The following SEZ6L variants were observed in gnomAD, a reference collection of about 807,000 sequenced individuals.
SEZ6L encodes the protein seizure related 6 homolog like, also known as seizure 6-like protein.
In SEZ6L, 37 loss-of-function variants were observed where a neutral mutation model predicts 106.2. That is an observed-to-expected ratio of 0.35 (90% CI 0.27 to 0.46). The LOEUF (loss-of-function observed/expected upper bound fraction) is 0.46. Among genes scored for constraint, SEZ6L ranks in the 20% least tolerant of loss-of-function variants. The pLI is 1.00. For synonymous variants in SEZ6L, 541 were observed against 570.4 expected (o/e 0.95, Z 0.73); for missense variants, 1,172 against 1,332.8 (o/e 0.88, Z 1.88).
chr22:26,356,596 C>A (rs947251391), intron 12 of SEZ6L, among the ~76,000 whole-genome samples: 5 of 151,524 alleles, frequency 3.3e-5, no homozygotes, highest in African/African-American at 9.7e-5. Flanking sequence ...GAGCTGAGAT[C>A]ATGCCACTGC....
At chr22:26,197,225 G>A (rs1940641318) in intron 1 of SEZ6L, among the ~76,000 whole-genome samples, 1 of 151,952 alleles carries the variant, frequency 6.6e-6, no homozygotes, top group East Asian at 1.9e-4. Flanking sequence ...ATGATTGTGA[G>A]GCACTTACTA....
At position 26,294,274 on chromosome 22, in the gene SEZ6L, T is replaced by C; in HGVS notation, c.836-18T>C. The C allele has an allele frequency of 6.2e-7, 1 of 1,613,320 alleles. No homozygotes were observed. The highest frequency in any genetic ancestry group is 8.5e-7 in the Non-Finnish European group (1 of 1,179,446). On this transcript the variant is annotated intron_variant, in intron 2 of 16. Coordinates refer to ENST00000248933, the MANE Select transcript of SEZ6L (RefSeq NM_021115.5). Reference sequence around the variant, plus strand: ...TCCAAGTTGTCTTTGGTGTCCTAATTAAAGTCCTTCCTTCCAGCTCTCTGC... The same window carrying C: ...TCCAAGTTGTCTTTGGTGTCCTAATCAAAGTCCTTCCTTCCAGCTCTCTGC...
chr22:26,248,602 G>A (rs2281423), intron 1 of SEZ6L, among the ~76,000 whole-genome samples: 18,131 of 152,228 alleles, frequency 0.12, 1,479 homozygotes, highest in East Asian at 0.35. Context: ...TTGCCCAGCC[G>A]TGAATCACGG....
chr22:26,200,910 G>A (rs1482750609), intron 1 of SEZ6L, among the ~76,000 whole-genome samples: 1 of 151,896 alleles, frequency 6.6e-6, no homozygotes, highest in Non-Finnish European at 1.5e-5. Context: ...GTTCAAGCTG[G>A]ACCTTCCATA....
chr22:26,291,895 C>T (rs2081120488), intron 1 of SEZ6L, among the ~76,000 whole-genome samples: 1 of 152,088 alleles, frequency 6.6e-6, no homozygotes, highest in African/African-American at 2.4e-5. Context: ...TACAACCAGG[C>T]AGTGAGGCCC....
chr22:26,205,501 T>C (rs1018119507), intron 1 of SEZ6L, among the ~76,000 whole-genome samples: 8 of 152,236 alleles, frequency 5.3e-5, no homozygotes, highest in Non-Finnish European at 1.0e-4. Context: ...GCTTTCTAAC[T>C]ACACCATGCC....
chr22:26,276,574 T>G (rs2080551228), intron 1 of SEZ6L, among the ~76,000 whole-genome samples: 1 of 152,364 alleles, frequency 6.6e-6, no homozygotes, highest in African/African-American at 2.4e-5. Flanking sequence ...AAGTATAGCA[T>G]ATAGGTAATT....
chr22:26,204,739 G>T (rs1941190060), intron 1 of SEZ6L, among the ~76,000 whole-genome samples: 1 of 152,178 alleles, frequency 6.6e-6, no homozygotes, highest in South Asian at 2.1e-4. Context: ...CTGCCAGAGG[G>T]AACGCTATAT....
chr22:26,169,695 CG>C lies in SEZ6L; in HGVS notation c.29del (p.Gly10AspfsTer58). MPAARPPA[A>X]GLRGISLFLA... ...ATGCCCGCGGCCCGGCCGCCCGCCG[CG>C]GGACTCCGCGGGATCTCGCTGTTCC... On this transcript the variant is annotated frameshift_variant, in exon 1 of 17. Coordinates refer to ENST00000248933, the MANE Select transcript of SEZ6L (RefSeq NM_021115.5). LOFTEE classifies it high-confidence loss of function. The C allele has an allele frequency of 7.6e-7, 1 of 1,314,178 alleles. No homozygotes were observed. The highest frequency in any genetic ancestry group is 9.7e-7 in the Non-Finnish European group (1 of 1,033,766). 81.4% of individuals were successfully genotyped at this position (1,314,178 alleles called of 1,614,324 possible).
intron 1 of SEZ6L, among the ~76,000 whole-genome samples, chr22:26,178,367 G>T (rs930691799): frequency 6.6e-6 from 1 of 152,194 alleles, no homozygotes; most frequent in Non-Finnish European, 1.5e-5. Flanking sequence ...TCCCTCCTAG[G>T]CTTCCTCACT....
intron 1 of SEZ6L, among the ~76,000 whole-genome samples, chr22:26,199,517 T>C (rs1476333159): frequency 1.3e-5 from 2 of 152,202 alleles, no homozygotes; most frequent in African/African-American, 4.8e-5. Context: ...TTTAATTGCA[T>C]TGGTTCAATT....
At chr22:26,345,869 A>G (rs886906604) in intron 10 of SEZ6L, among the ~76,000 whole-genome samples, 1 of 152,222 alleles carries the variant, frequency 6.6e-6, no homozygotes, top group African/African-American at 2.4e-5. Context: ...CTTAGTAACA[A>G]GAGTTTGTAG....
At chr22:26,217,102 A>G (rs1038399457) in intron 1 of SEZ6L, among the ~76,000 whole-genome samples, 1 of 152,178 alleles carries the variant, frequency 6.6e-6, no homozygotes, top group African/African-American at 2.4e-5. Context: ...CTCACTAATT[A>G]TCATCTCATT....
chr22:26,205,533 C>T (rs1288447951), intron 1 of SEZ6L, among the ~76,000 whole-genome samples: 3 of 152,176 alleles, frequency 2.0e-5, no homozygotes, highest in Non-Finnish European at 4.4e-5. Context: ...TATCCCTAAA[C>T]TGCTGTTTCT....
chr22:26,317,736 C>T (rs1193201687), intron 9 of SEZ6L, among the ~76,000 whole-genome samples: 1 of 152,104 alleles, frequency 6.6e-6, no homozygotes, highest in African/African-American at 2.4e-5. Context: ...CGGGGGCAGG[C>T]TTTCTCTCTT....
chr22:26,364,433 A>G (rs2083738844), intron 12 of SEZ6L, among the ~76,000 whole-genome samples: 3 of 151,300 alleles, frequency 2.0e-5, no homozygotes, highest in South Asian at 4.2e-4. Context: ...TTTAAAAAAA[A>G]AAAAAAAAAA....
chr22:26,333,977 A>G (rs1187341049), intron 9 of SEZ6L, among the ~76,000 whole-genome samples: 1 of 125,470 alleles, frequency 8.0e-6, no homozygotes, highest in African/African-American at 2.7e-5. Flanking sequence ...AGGTAAAACA[A>G]TGGCTTGGAA....
intron 9 of SEZ6L, among the ~76,000 whole-genome samples, chr22:26,319,858 T>G (rs571782042): frequency 1.1e-4 from 17 of 152,276 alleles, no homozygotes; most frequent in Non-Finnish European, 2.2e-4. Flanking sequence ...AGGAAGTAAA[T>G]GTAGCTTGTC....
intron 9 of SEZ6L, among the ~76,000 whole-genome samples, chr22:26,340,077 A>G (rs1233682624): frequency 6.6e-6 from 1 of 152,102 alleles, no homozygotes; most frequent in Non-Finnish European, 1.5e-5. Flanking sequence ...TCTACTAAAT[A>G]CAAAAAAAAT....
Sources: allele counts gnomAD v4.1 joint callset (sites outside exome capture counted in the v4.1 genomes callset), GRCh38; gene constraint gnomAD v4.1.1; transcripts MANE v1.5; gene names NCBI Gene and HGNC (gene_info 2026-07-23, HGNC 2026-07-21).